CHMP6: variants seen among roughly 807,000 people sequenced by gnomAD.
CHMP6 encodes charged multivesicular body protein 6.
Under a neutral mutation model 32.8 loss-of-function variants are expected in CHMP6, and 10 were observed. The observed-to-expected ratio is 0.30, with a 90% CI of 0.19 to 0.52. The LOEUF is 0.52. Among genes scored for constraint, CHMP6 ranks in the 20% least tolerant of loss-of-function variants. The pLI, the probability that CHMP6 is intolerant of heterozygous loss-of-function variation, is 0.97. For synonymous variants in CHMP6, 123 were observed against 105.8 expected, an observed-to-expected ratio of 1.16 and a Z score of -1.00; for missense variants, 269 against 263.8, an observed-to-expected ratio of 1.02 and a Z score of -0.14.
At position 80,991,866 on chromosome 17, in the gene CHMP6, G is replaced by T. The variant is rs1261112752; in HGVS notation, c.-53G>T. On this transcript the variant is annotated 5_prime_UTR_variant, in exon 1 of 8. Transcript: ENST00000325167. ...AGGACCCGAGCTACGGTGGCCGCGG[G>T]GCGGCGGTGGCGATTGGACTTGGTG... The T allele has an allele frequency of 1.5e-6, 2 of 1,324,344 alleles. No individual in the cohort carries two copies. The highest frequency in any genetic ancestry group is 2.0e-6 in the Non-Finnish European group (2 of 1,019,836). 82.0% of individuals were successfully genotyped at this position (1,324,344 alleles called of 1,614,324 possible). A position where few individuals can be genotyped will look rare whatever the true frequency, so the allele number is the denominator to read the frequency against.
rs1316115445 is a variant in CHMP6 at position 80,991,947 on chromosome 17, A to G, written c.29A>G (p.Gln10Arg). The G allele has an allele frequency of 1.4e-6, 2 of 1,467,992 alleles. No individual in the cohort carries two copies. The highest frequency in any genetic ancestry group is 1.8e-6 in the Non-Finnish European group (2 of 1,103,484). The allele number at this position is 1,467,992 out of a possible 1,614,324, so 90.9% of individuals were successfully genotyped here. MGNLFGRKK[Q>R]SRVTEQDKAI... ...GGTAACCTGTTCGGCCGCAAGAAGC[A>G]GAGCCGCGTCACGGAGCAGGACAAG... Residue 10 changes from glutamine (Q) to arginine (R), a missense_variant, in exon 1 of 8, where the codon CAG (glutamine) becomes CGG (arginine). Physicochemically the swap from Gln to Arg is conservative, Grantham distance 43 (BLOSUM62 1). Coordinates refer to ENST00000325167, the MANE Select transcript of CHMP6 (RefSeq NM_024591.5).
chr17:80,996,146 C>A (rs2069635705), intron 4 of CHMP6, among the ~76,000 whole-genome samples: 2 of 152,042 alleles, frequency 1.3e-5, no homozygotes, highest in Admixed American at 1.3e-4. Context: ...ATGGTGAAAC[C>A]CTGTCTCTAC....
Position 80,991,848 on chromosome 17 carries a change from G to C in CHMP6, c.-71G>C, listed in dbSNP as rs2069593851. ...CGCGGCCGCCGTAGCGGGAGGACCC[G>C]AGCTACGGTGGCCGCGGGGCGGCGG... On this transcript the variant is annotated 5_prime_UTR_variant, in exon 1 of 8. Coordinates refer to ENST00000325167, the MANE Select transcript of CHMP6 (RefSeq NM_024591.5). 4 of 1,240,204 alleles carry C rather than the reference G, an allele frequency of 3.2e-6. 1 individual carries two copies. The highest frequency in any genetic ancestry group is 4.4e-5 in the South Asian group (2 of 44,998). 76.8% of individuals were successfully genotyped at this position (1,240,204 alleles called of 1,614,324 possible).
At chr17:80,998,975 G>A (rs1030650747) in intron 7 of CHMP6, 123 bp from the exon 8 acceptor site, 22 of 1,098,300 alleles carry the variant, frequency 2.0e-5, no homozygotes, top group Admixed American at 7.9e-5. Context: ...AGAGCTGGGC[G>A]TGCCCTTCCC....
chr17:80,991,868 C>A lies in CHMP6; in HGVS notation c.-51C>A. The A allele has an allele frequency of 1.5e-6, 2 of 1,326,808 alleles. No individual in the cohort carries two copies. The highest frequency in any genetic ancestry group is 2.0e-6 in the Non-Finnish European group (2 of 1,021,354). 82.2% of individuals were successfully genotyped at this position (1,326,808 alleles called of 1,614,324 possible). On this transcript the variant is annotated 5_prime_UTR_variant, in exon 1 of 8. Transcript: ENST00000325167. ...GACCCGAGCTACGGTGGCCGCGGGG[C>A]GGCGGTGGCGATTGGACTTGGTGGG...
chr17:80,992,281 G>T (rs1289674405), intron 1 of CHMP6, among the ~76,000 whole-genome samples: 3 of 151,942 alleles, frequency 2.0e-5, no homozygotes, highest in African/African-American at 7.2e-5. Flanking sequence ...CGACGCCGGC[G>T]TTCGGGGCTC....
At chr17:80,996,067 G>A (rs1043911371) in intron 4 of CHMP6, among the ~76,000 whole-genome samples, 6 of 152,120 alleles carry the variant, frequency 3.9e-5, no homozygotes, top group African/African-American at 1.4e-4. Flanking sequence ...GCTCACACCT[G>A]TAATCACTTT....
In CHMP6 at chr17:80,993,814, C is replaced by A. The variant is rs143215046; in HGVS notation, c.64-767C>A. On this transcript the variant is annotated intron_variant, in intron 1 of 7. Transcript: ENST00000325167. The stretch of plus-strand genomic sequence containing the variant: ...GCAGGGAAGCCACAGGCATCTCATG[C>A]GGCTGAAGCGCAAGGAGAGAAGCCG... Among the ~76,000 whole-genome samples the A allele has an allele frequency of 3.1e-3, 476 of 152,282 alleles. 4 individuals carry two copies. The highest frequency in any genetic ancestry group is 0.02 in the South Asian group (95 of 4,824).
chr17:80,993,842 G>GT lies in CHMP6; in HGVS notation c.64-739_64-738insT, dbSNP rs2069614083. Among the ~76,000 whole-genome samples, 17 of 152,326 alleles carry GT rather than the reference G, an allele frequency of 1.1e-4. No individual in the cohort carries two copies. The South Asian group carries it at 3.5e-3, about 32-fold the overall frequency. ...CTGAAGCGCAAGGAGAGAAGCCGGGGGGATGTCTGAGCCCTGTCCTGGCCG... is the reference window on the plus strand; with the variant it reads ...CTGAAGCGCAAGGAGAGAAGCCGGGGTGGATGTCTGAGCCCTGTCCTGGCCG... On this transcript the variant is annotated intron_variant, in intron 1 of 7. Transcript: ENST00000325167.
chr17:80,999,234 A>G lies in CHMP6; in HGVS notation c.*81A>G. On this transcript the variant is annotated 3_prime_UTR_variant, in exon 8 of 8. Coordinates refer to ENST00000325167, the MANE Select transcript of CHMP6 (RefSeq NM_024591.5). ...GAGTTTGGGTCACGGCCAGCCCCTG[A>G]CCGGGTTCCCTGGAGCCCAGTGCGC... 3 of 1,551,966 alleles carry G rather than the reference A, an allele frequency of 1.9e-6. No homozygotes were observed. Among genetic ancestry groups the G allele is most frequent in the Non-Finnish European group, 2.7e-6 (3 of 1,126,080 alleles).
chr17:80,999,106 C>T lies in CHMP6; in HGVS notation c.559C>T (p.Pro187Ser), dbSNP rs1433900763. The change falls in exon 8 of 8, where the codon CCT becomes TCT. Residue 187 changes from proline to serine, a missense_variant. Pro to Ser is a moderately conservative substitution (Grantham distance 74). Coordinates refer to ENST00000325167, the MANE Select transcript of CHMP6 (RefSeq NM_024591.5). ...CTCTGTTTCCTCCACAGAAAACGTC[C>T]CTGTCAAGGCCAGGCCCAGGCAGGC... ...PLPEKIPENVPVKARPRQAEL... is the reference protein window; with the variant it reads ...PLPEKIPENVSVKARPRQAEL... The T allele has an allele frequency of 1.2e-6, 2 of 1,613,844 alleles. No individual in the cohort carries two copies. The highest frequency in any genetic ancestry group is 1.3e-5 in the African/African-American group (1 of 74,940).
chr17:80,998,619 TCA>T, intron 7 of CHMP6, 199 bp downstream of exon 7: 1 of 1,446,062 alleles, frequency 6.9e-7, no homozygotes, highest in South Asian at 1.4e-5. Flanking sequence ...CTGGGCAACC[TCA>T]TAAGAGAGCC....
rs151073958 is a variant in CHMP6, at chr17:80,998,488, C to CA, written c.550+70dup. On this transcript the variant is annotated intron_variant, in intron 7 of 7. Transcript: ENST00000325167. ...GAGAAAAGTGGATTCTAGAAGGGAACAAGACAGAATGCTCCCAGGCCTTCC... is the reference window on the plus strand; with the variant it reads ...GAGAAAAGTGGATTCTAGAAGGGAACAAAGACAGAATGCTCCCAGGCCTTCC... The CA allele has an allele frequency of 5.6e-6, 9 of 1,613,128 alleles. No individual in the cohort carries two copies. The Admixed American group carries it at 1.3e-4, about 24-fold the overall frequency.
Position 80,999,361 on chromosome 17 carries a change from T to C in CHMP6, c.*208T>C. The C allele has an allele frequency of 1.8e-6, 1 of 561,054 alleles. No individual in the cohort carries two copies. Among genetic ancestry groups the C allele is most frequent in the Non-Finnish European group, 3.2e-6 (1 of 313,258 alleles). The allele number at this position is 561,054 out of a possible 1,614,324, so 34.8% of individuals were successfully genotyped here. On this transcript the variant is annotated 3_prime_UTR_variant, in exon 8 of 8. Coordinates refer to ENST00000325167, the MANE Select transcript of CHMP6 (RefSeq NM_024591.5). ...TGAACGCACTCAGGCGCCACTGGCC[T>C]GCTCTCAGTCCGGATTAACTCTCGA...
Position 80,997,305 on chromosome 17 carries a change from A to T in CHMP6, c.459A>T (p.Glu153Asp). ...CAGGAAGCTTCACTCAGGAGGATGAAGACGCCATCCTGGAGGAGCTGAGCG... is the reference window on the plus strand; with the variant it reads ...CAGGAAGCTTCACTCAGGAGGATGATGACGCCATCCTGGAGGAGCTGAGCG... ...LLAGSFTQEDEDAILEELSAI... is the reference protein window; with the variant it reads ...LLAGSFTQEDDDAILEELSAI... The change falls in exon 6 of 8, where the codon GAA becomes GAT. Residue 153 changes from glutamate to aspartate, a missense_variant. Transcript: ENST00000325167. 6.2e-7 allele frequency: 1 copy of T among 1,611,090 alleles called. No homozygotes were observed. Among genetic ancestry groups the T allele is most frequent in the Non-Finnish European group, 8.5e-7 (1 of 1,178,180 alleles).
rs1420890534 is a variant in CHMP6, at chr17:80,999,291, C to T, written c.*138C>T. 2.5e-5 allele frequency: 23 copies of T among 931,426 alleles called. No individual in the cohort carries two copies. The highest frequency in any genetic ancestry group is 3.6e-5 in the Non-Finnish European group (22 of 604,620). 57.7% of individuals were successfully genotyped at this position (931,426 alleles called of 1,614,324 possible). A position where few individuals can be genotyped will look rare whatever the true frequency, so the allele number is the denominator to read the frequency against. ...CTGAGCAGAGCTGCAGCCACGCAGGCGCATTGCAGGAGGACTCCAGAGCGT... is the reference window on the plus strand; with the variant it reads ...CTGAGCAGAGCTGCAGCCACGCAGGTGCATTGCAGGAGGACTCCAGAGCGT... On this transcript the variant is annotated 3_prime_UTR_variant, in exon 8 of 8. Coordinates refer to ENST00000325167, the MANE Select transcript of CHMP6 (RefSeq NM_024591.5).
At chr17:80,998,771 C>G (rs2069661069) in intron 7 of CHMP6, 1 of 1,037,398 alleles carries the variant, frequency 9.6e-7, no homozygotes, top group Admixed American at 3.2e-5. Flanking sequence ...TCAGCACAGG[C>G]TCTCCAACCT....
chr17:80,992,403 TCC>T (rs2069600683), intron 1 of CHMP6, among the ~76,000 whole-genome samples: 1 of 152,032 alleles, frequency 6.6e-6, no homozygotes, highest in South Asian at 2.1e-4. Flanking sequence ...CCCGCCCCCG[TCC>T]CGCGGCTCAT....
At chr17:80,997,422 T>TG in intron 6 of CHMP6, 81 bp downstream of exon 6, 1 of 631,586 alleles carries the variant, frequency 1.6e-6, no homozygotes, top group Non-Finnish European at 2.4e-6. Flanking sequence ...GCCCTGCCCA[T>TG]GGTGATCTCG....
Sources: gnomAD v4.1 joint callset for allele counts (sites outside exome capture counted in the v4.1 genomes callset) on GRCh38, gnomAD v4.1.1 for gene constraint, MANE v1.5 for transcripts, NCBI Gene and HGNC (gene_info 2026-07-23, HGNC 2026-07-21) for gene names.